Variants in PLCXD3 observed in about 807,000 individuals in gnomAD.
PLCXD3 encodes phosphatidylinositol specific phospholipase C X domain containing 3, also known as PI-PLC X domain-containing protein 3.
A neutral mutation model predicts 25.5 loss-of-function variants in PLCXD3; 19 were observed. That is an observed-to-expected ratio of 0.75 (90% CI 0.52 to 1.09). The LOEUF (loss-of-function observed/expected upper bound fraction) is 1.09, where lower values mean the gene tolerates loss of function less well. Ranked by LOEUF, PLCXD3 falls within the 50% of genes least tolerant of loss-of-function variation. The pLI, the probability that PLCXD3 is intolerant of heterozygous loss-of-function variation, is 0.00. For synonymous variants in PLCXD3, 174 were observed against 137.6 expected, an observed-to-expected ratio of 1.26 and a Z score of -1.85; for missense variants, 411 against 388.1, an observed-to-expected ratio of 1.06 and a Z score of -0.50.
chr5:41,470,615 C>A (rs1394750375), intron 1 of PLCXD3, among the ~76,000 whole-genome samples: 1 of 152,074 alleles, frequency 6.6e-6, no homozygotes, highest in Admixed American at 6.6e-5. Flanking sequence ...TGAAGGTGGA[C>A]AAATGCCACT....
At chr5:41,501,326 G>T (rs924136179) in intron 1 of PLCXD3, among the ~76,000 whole-genome samples, 1 of 151,854 alleles carries the variant, frequency 6.6e-6, no homozygotes, top group Admixed American at 6.6e-5. Context: ...AATAAATATG[G>T]TATATACATA....
intron 1 of PLCXD3, among the ~76,000 whole-genome samples, chr5:41,384,351 T>A (rs1469213481): frequency 1.3e-5 from 2 of 152,076 alleles, no homozygotes; most frequent in Non-Finnish European, 2.9e-5. Context: ...ACTCAATATA[T>A]ACAAAGAAGT....
In PLCXD3 at chr5:41,327,936, G is replaced by A. The variant is rs145322544; in HGVS notation, c.813-14166C>T. Among the ~76,000 whole-genome samples the A allele has an allele frequency of 4.7e-3, 709 of 152,182 alleles. 3 individuals are homozygous for A. Among genetic ancestry groups the A allele is most frequent in the Non-Finnish European group, 8.2e-3 (559 of 68,018 alleles). On this transcript the variant is annotated intron_variant, in intron 2 of 2. Transcript: ENST00000377801. ...TCCTCCTGCTTCAGCCTCCCAAAGCGCTGGGATTACAGGCCTGAGCCACTG... is the reference window on the plus strand; with the variant it reads ...TCCTCCTGCTTCAGCCTCCCAAAGCACTGGGATTACAGGCCTGAGCCACTG...
intron 2 of PLCXD3, among the ~76,000 whole-genome samples, chr5:41,358,573 G>A (rs1744685173): frequency 6.6e-6 from 1 of 152,062 alleles, no homozygotes; most frequent in Non-Finnish European, 1.5e-5. Flanking sequence ...TCCATTCCTG[G>A]GTTACTTCAC....
intron 1 of PLCXD3, among the ~76,000 whole-genome samples, chr5:41,485,889 A>G (rs1047253259): frequency 6.6e-6 from 1 of 152,044 alleles, no homozygotes. Flanking sequence ...TGATGTTCCA[A>G]ATTTTTTTTA....
At chr5:41,322,115 A>C (rs1743489837) in intron 2 of PLCXD3, among the ~76,000 whole-genome samples, 3 of 152,248 alleles carry the variant, frequency 2.0e-5, no homozygotes, top group Admixed American at 2.0e-4. Context: ...TGCACAGTGA[A>C]GGATACAATC....
chr5:41,495,910 A>G (rs1042819582), intron 1 of PLCXD3, among the ~76,000 whole-genome samples: 1 of 152,218 alleles, frequency 6.6e-6, no homozygotes, highest in Non-Finnish European at 1.5e-5. Context: ...AACCAACCTC[A>G]AAGAAACAGA....
At chr5:41,353,809 C>T (rs1295194965) in intron 2 of PLCXD3, among the ~76,000 whole-genome samples, 4 of 152,168 alleles carry the variant, frequency 2.6e-5, no homozygotes, top group Non-Finnish European at 2.9e-5. Flanking sequence ...GGTAGAGACA[C>T]GTTTTCTCTG....
At position 41,371,045 on chromosome 5, in the gene PLCXD3, T is replaced by A. The variant is rs1407192284; in HGVS notation, c.812+10781A>T. On this transcript the variant is annotated intron_variant, in intron 2 of 2. Coordinates refer to ENST00000377801, the MANE Select transcript of PLCXD3 (RefSeq NM_001005473.3). ...AAGAAAGTCAAGTTGACTGAAAATATAGCCTAATTTGAAGAGTTTGCATTT... is the reference window on the plus strand; with the variant it reads ...AAGAAAGTCAAGTTGACTGAAAATAAAGCCTAATTTGAAGAGTTTGCATTT... Among the ~76,000 whole-genome samples, 5 of 152,168 alleles carry A rather than the reference T, an allele frequency of 3.3e-5. No homozygotes were observed. The South Asian group carries it at 1.0e-3, about 32-fold the overall frequency.
chr5:41,488,753 T>C (rs1194218268), intron 1 of PLCXD3, among the ~76,000 whole-genome samples: 1 of 147,772 alleles, frequency 6.8e-6, no homozygotes, highest in Non-Finnish European at 1.5e-5. Flanking sequence ...GTTCATGTCC[T>C]TTGCCCACTT....
chr5:41,461,762 C>T (rs530031452), intron 1 of PLCXD3, among the ~76,000 whole-genome samples: 5 of 151,968 alleles, frequency 3.3e-5, no homozygotes, highest in Non-Finnish European at 7.4e-5. Flanking sequence ...TAGCAGCAGA[C>T]CAAAGCAGTA....
chr5:41,388,920 T>C lies in PLCXD3; in HGVS notation c.104-6386A>G, dbSNP rs1246201294. On this transcript the variant is annotated intron_variant, in intron 1 of 2. Transcript: ENST00000377801. ...GTAGGAAATATGTTTTAAAAAAACA[T>C]ATATTTTATATTTCATTAGTATAGT... Among the ~76,000 whole-genome samples the C allele has an allele frequency of 2.0e-5, 3 of 151,480 alleles. No homozygotes were observed. In the East Asian group the frequency reaches 5.8e-4, roughly 29 times the overall value.
intron 1 of PLCXD3, among the ~76,000 whole-genome samples, chr5:41,507,167 T>C (rs1250217035): frequency 6.6e-6 from 1 of 152,212 alleles, no homozygotes. Context: ...AACTGAATTT[T>C]CATCAGTCTC....
At chr5:41,329,881 G>A (rs1743741264) in intron 2 of PLCXD3, among the ~76,000 whole-genome samples, 1 of 150,436 alleles carries the variant, frequency 6.6e-6, no homozygotes, top group Admixed American at 6.6e-5. Flanking sequence ...TATTAGAAAT[G>A]TATTATAAAT....
At chr5:41,331,559 C>T (rs1743804991) in intron 2 of PLCXD3, among the ~76,000 whole-genome samples, 1 of 152,130 alleles carries the variant, frequency 6.6e-6, no homozygotes, top group Admixed American at 6.6e-5. Flanking sequence ...ATCAAGCTAC[C>T]AATGACTTTC....
chr5:41,480,442 T>C (rs1455718318), intron 1 of PLCXD3, among the ~76,000 whole-genome samples: 1 of 149,996 alleles, frequency 6.7e-6, no homozygotes, highest in Non-Finnish European at 1.5e-5. Flanking sequence ...TCTCTTCTAA[T>C]AAAAATTGGT....
chr5:41,347,432 G>T (rs1416556679), intron 2 of PLCXD3, among the ~76,000 whole-genome samples: 1 of 152,284 alleles, frequency 6.6e-6, no homozygotes, highest in Admixed American at 6.5e-5. Context: ...TCCAAGGAAA[G>T]TAATTTATCT....
chr5:41,308,088 T>C lies in PLCXD3; in HGVS notation c.*5529A>G, dbSNP rs942312936. The stretch of plus-strand genomic sequence containing the variant: ...ATTTGCAGGACCTAGAGCTGACCAA[T>C]GTTTTCTTTCTTGAAGGACATTATG... On this transcript the variant is annotated 3_prime_UTR_variant, in exon 3 of 3. Transcript: ENST00000377801. The C allele has an allele frequency of 3.3e-5, 5 of 152,286 alleles. No individual in the cohort carries two copies. The highest frequency in any genetic ancestry group is 1.2e-4 in the African/African-American group (5 of 41,574). 9.4% of individuals were successfully genotyped at this position (152,286 alleles called of 1,614,324 possible).
In PLCXD3 at chr5:41,313,271, A is replaced by G. The variant is rs1463780765; in HGVS notation, c.*346T>C. 4.7e-6 allele frequency: 1 copy of G among 210,956 alleles called. No homozygotes were observed. The highest frequency in any genetic ancestry group is 2.4e-5 in the African/African-American group (1 of 42,220). The allele number at this position is 210,956 out of a possible 1,614,324, so 13.1% of individuals were successfully genotyped here. A position where few individuals can be genotyped will look rare whatever the true frequency, so the allele number is the denominator to read the frequency against. On this transcript the variant is annotated 3_prime_UTR_variant, in exon 3 of 3. Transcript: ENST00000377801. ...AGGGAGCAGAAAGGTTGCAGGGTATAGACAGCGTAGGAGTCATAGGCTGGA... is the reference window on the plus strand; with the variant it reads ...AGGGAGCAGAAAGGTTGCAGGGTATGGACAGCGTAGGAGTCATAGGCTGGA...
Sources: allele counts gnomAD v4.1 joint callset (sites outside exome capture counted in the v4.1 genomes callset), GRCh38; gene constraint gnomAD v4.1.1; transcripts MANE v1.5; gene names NCBI Gene and HGNC (gene_info 2026-07-23, HGNC 2026-07-21).